The following PCDHA7 variants were observed in gnomAD, a reference collection of about 807,000 sequenced individuals.
PCDHA7 encodes protocadherin alpha 7.
In PCDHA7, 37 loss-of-function variants were observed where a neutral mutation model predicts 57.2. That is an observed-to-expected ratio of 0.65 (90% CI 0.50 to 0.85). The LOEUF (loss-of-function observed/expected upper bound fraction) is 0.85, where lower values mean the gene tolerates loss of function less well. PCDHA7 is among the 40% of genes least tolerant of loss of function. The pLI, the probability that PCDHA7 is intolerant of heterozygous loss-of-function variation, is 0.00. For missense variants in PCDHA7, 1,188 were observed against 1,241.8 expected, an observed-to-expected ratio of 0.96 and a Z score of 0.65; for synonymous variants, 553 against 558.8, an observed-to-expected ratio of 0.99 and a Z score of 0.15.
chr5:140,963,838 T>C (rs1414191733), intron 1 of PCDHA7, among the ~76,000 whole-genome samples: 3 of 152,254 alleles, frequency 2.0e-5, no homozygotes, highest in Admixed American at 1.3e-4. Context: ...CATTTTCTCA[T>C]GTAATCATAA....
At chr5:140,877,681 C>T (rs1554169975) in intron 1 of PCDHA7, 2 of 1,613,678 alleles carry the variant, frequency 1.2e-6, no homozygotes, top group Non-Finnish European at 1.7e-6. Context: ...GCCGGGCAAG[C>T]CCACGCTGGT....
Position 140,836,336 on chromosome 5 carries a change from G to A in PCDHA7, c.1953G>A (p.Val651=), listed in dbSNP as rs1346966791. Residue 651 remains valine (V), a synonymous_variant, in exon 1 of 4, where the codon GTG becomes GTA. Transcript: ENST00000525929. ...CGCGCCACCGCCTTCTGGTGCTTGT[G>A]AAGGACCACGGGGAGCCCTCGCTGA... ...DAPRHRLLVL[V]KDHGEPSLTA... The A allele has an allele frequency of 2.5e-6, 4 of 1,613,640 alleles. No homozygotes were observed. Among genetic ancestry groups the A allele is most frequent in the Admixed American group, 1.7e-5 (1 of 60,008 alleles).
chr5:140,838,785 G>T (rs1377417578), intron 1 of PCDHA7, among the ~76,000 whole-genome samples: 2 of 151,968 alleles, frequency 1.3e-5, no homozygotes, highest in Non-Finnish European at 2.9e-5. Context: ...AGCTATGCAT[G>T]GTGATGCATG....
At chr5:140,841,243 T>G in intron 1 of PCDHA7, 1 of 1,494,736 alleles carries the variant, frequency 6.7e-7, no homozygotes, top group Non-Finnish European at 9.0e-7. Flanking sequence ...GCAGCGGAAT[T>G]GGATTAAAAG....
intron 1 of PCDHA7, among the ~76,000 whole-genome samples, chr5:140,844,721 G>C (rs573731008): frequency 6.7e-6 from 1 of 149,274 alleles, no homozygotes; most frequent in Non-Finnish European, 1.5e-5. Context: ...CCATTAGTTC[G>C]TGTAAAAATA....
intron 1 of PCDHA7, among the ~76,000 whole-genome samples, chr5:140,946,631 T>TATATATATATATATACACAC (rs57893927): frequency 7.6e-6 from 1 of 131,856 alleles, no homozygotes; most frequent in East Asian, 2.1e-4. Flanking sequence ...TATATATATA[T>TATATATATATATATACACAC]ACAATGGAAT....
At chr5:140,891,889 G>C (rs1319520907) in intron 1 of PCDHA7, among the ~76,000 whole-genome samples, 1 of 152,224 alleles carries the variant, frequency 6.6e-6, no homozygotes, top group Non-Finnish European at 1.5e-5. Context: ...ATGTGACGAT[G>C]CAGCAAGAAG....
chr5:140,965,654 G>A (rs1194762396), intron 1 of PCDHA7, among the ~76,000 whole-genome samples: 5 of 152,150 alleles, frequency 3.3e-5, no homozygotes, highest in Non-Finnish European at 7.4e-5. Flanking sequence ...GAAAGAAAAT[G>A]TCTTGGGTGA....
At position 140,926,724 on chromosome 5, in the gene PCDHA7, G is replaced by C. The variant is rs376759295; in HGVS notation, c.2356-52225G>C. 1.5e-5 allele frequency: 15 copies of C among 1,034,056 alleles called. No homozygotes were observed. In the East Asian group the frequency reaches 2.4e-4, roughly 17 times the overall value. 64.1% of individuals were successfully genotyped at this position (1,034,056 alleles called of 1,614,324 possible). On this transcript the variant is annotated intron_variant, in intron 1 of 3. Transcript: ENST00000525929. ...CCAGCTGGCCAGCCCCGGCAATGCC[G>C]GCGTTCGGGAGGCGCAACGTCGGCG...
intron 1 of PCDHA7, chr5:140,968,723 GGTA>G (rs1199893104): frequency 9.3e-6 from 15 of 1,613,990 alleles, no homozygotes; most frequent in Non-Finnish European, 1.3e-5. Context: ...AGATGAGAGT[GGTA>G]GCACTTTCAA....
intron 1 of PCDHA7, among the ~76,000 whole-genome samples, chr5:140,949,308 G>T (rs1323575169): frequency 6.6e-6 from 1 of 151,722 alleles, no homozygotes; most frequent in African/African-American, 2.4e-5. Flanking sequence ...TGGGTGTAAT[G>T]ATTTATAAAT....
At chr5:140,883,760 CG>C (rs1160842473) in intron 1 of PCDHA7, 1 of 1,612,672 alleles carries the variant, frequency 6.2e-7, no homozygotes, top group Non-Finnish European at 8.5e-7. Context: ...GGTGGAGCGG[CG>C]GGTGGGCGAG....
chr5:140,901,232 AT>A (rs2068522830), intron 1 of PCDHA7, among the ~76,000 whole-genome samples: 4 of 152,022 alleles, frequency 2.6e-5, no homozygotes, highest in East Asian at 1.9e-4. Context: ...CCATATATCC[AT>A]TTTTTTCCTT....
In PCDHA7 at chr5:140,856,432, C is replaced by T. The variant is rs782418117; in HGVS notation, c.2355+19694C>T. On this transcript the variant is annotated intron_variant, in intron 1 of 3. Transcript: ENST00000525929. ...TGGAAGTGAAGGACATTAACGACAA[C>T]CCGCCCAGGTTCTCCGTAACAGAAC... 1.9e-6 allele frequency: 3 copies of T among 1,598,272 alleles called. No individual in the cohort carries two copies. In the African/African-American group the frequency reaches 4.0e-5, roughly 22 times the overall value.
intron 3 of PCDHA7, among the ~76,000 whole-genome samples, chr5:141,008,432 C>T (rs2098376587): frequency 6.6e-6 from 1 of 152,082 alleles, no homozygotes. Context: ...ATCACTTTGC[C>T]CAGACAGACC....
At chr5:140,850,132 G>A (rs2150469208) in intron 1 of PCDHA7, 1 of 1,595,756 alleles carries the variant, frequency 6.3e-7, no homozygotes, top group East Asian at 2.2e-5. Flanking sequence ...CCGCCTCTGG[G>A]CAGCAACGTG....
chr5:140,994,379 G>A (rs2097618506), intron 3 of PCDHA7, among the ~76,000 whole-genome samples: 1 of 152,112 alleles, frequency 6.6e-6, no homozygotes. Flanking sequence ...AAATTCAGGG[G>A]ACTAAGTCAG....
At chr5:140,967,697 G>A (rs1554229803) in intron 1 of PCDHA7, 1 of 1,614,196 alleles carries the variant, frequency 6.2e-7, no homozygotes, top group Admixed American at 1.7e-5. Flanking sequence ...CTTCAGCATA[G>A]ATGCCAGTAC....
Position 140,968,209 on chromosome 5 carries a change from C to A in PCDHA7, c.2356-10740C>A, listed in dbSNP as rs781795931. The A allele has an allele frequency of 2.5e-6, 4 of 1,613,884 alleles. No homozygotes were observed. In the African/African-American group the frequency reaches 4.0e-5, roughly 16 times the overall value. Reference sequence around the variant, plus strand: ...CCTATTCCATCTACATACAGGAGAACAATTTGCCAGGTGTGTTGCTCTGTA... The same window carrying A: ...CCTATTCCATCTACATACAGGAGAAAAATTTGCCAGGTGTGTTGCTCTGTA... On this transcript the variant is annotated intron_variant, in intron 1 of 3. Coordinates refer to ENST00000525929, the MANE Select transcript of PCDHA7 (RefSeq NM_018910.3).
Sources: gnomAD v4.1 joint callset for allele counts (sites outside exome capture counted in the v4.1 genomes callset) on GRCh38, gnomAD v4.1.1 for gene constraint, MANE v1.5 for transcripts, NCBI Gene and HGNC (gene_info 2026-07-23, HGNC 2026-07-21) for gene names.